CD81: variants seen among roughly 807,000 people sequenced by gnomAD.
CD81 encodes the protein CD81 molecule.
In CD81, 10 loss-of-function variants were observed where a neutral mutation model predicts 30.1. That is an observed-to-expected ratio of 0.33 (90% confidence interval 0.21 to 0.56). CD81 has a LOEUF of 0.56. Ranked by LOEUF, CD81 falls within the 20% of genes least tolerant of loss-of-function variation. The pLI is 0.89. For synonymous variants in CD81, 147 were observed against 126.4 expected (o/e 1.16, Z -1.10); for missense variants, 263 against 308.7 (o/e 0.85, Z 1.11).
At chr11:2,382,184 C>T (rs1016863503) in intron 1 of CD81, among the ~76,000 whole-genome samples, 7 of 152,244 alleles carry the variant, frequency 4.6e-5, no homozygotes, top group African/African-American at 1.4e-4. Flanking sequence ...ATGCCATGGC[C>T]GTGGGATGGC....
chr11:2,386,775 C>T, intron 1 of CD81: 4 of 647,344 alleles, frequency 6.2e-6, no homozygotes, highest in South Asian at 5.0e-5. Flanking sequence ...GGCTGTCCCT[C>T]CCACCCCCTC....
chr11:2,395,628 G>A (rs547856525), intron 5 of CD81, 108 bp downstream of exon 5: 2 of 911,810 alleles, frequency 2.2e-6, no homozygotes, highest in East Asian at 2.6e-5. Context: ...AGCAGGAGGT[G>A]CCCTTGGGAC....
chr11:2,394,480 C>G (rs1304667828), intron 3 of CD81, among the ~76,000 whole-genome samples: 1 of 152,240 alleles, frequency 6.6e-6, no homozygotes, highest in Non-Finnish European at 1.5e-5. Context: ...GGCACACCGC[C>G]CCCTGTGGGA....
At chr11:2,379,147 G>T (rs1221851657) in intron 1 of CD81, 3 of 455,752 alleles carry the variant, frequency 6.6e-6, no homozygotes, top group African/African-American at 6.0e-5. Flanking sequence ...AGGCATGTGG[G>T]AGAGGCACCA....
chr11:2,379,952 T>A (rs938082616), intron 1 of CD81, among the ~76,000 whole-genome samples: 9 of 152,182 alleles, frequency 5.9e-5, no homozygotes, highest in Non-Finnish European at 1.3e-4. Flanking sequence ...TGCCATGGGC[T>A]TGGGCCTCCT....
intron 1 of CD81, among the ~76,000 whole-genome samples, chr11:2,383,380 G>A (rs2133444585): frequency 6.6e-6 from 1 of 152,262 alleles, no homozygotes; most frequent in Non-Finnish European, 1.5e-5. Flanking sequence ...TTCTTGGTGG[G>A]CAGAGAGTGA....
At chr11:2,395,257 G>T in intron 4 of CD81, 159 bp from the exon 5 acceptor site, 1 of 740,018 alleles carries the variant, frequency 1.4e-6, no homozygotes. Flanking sequence ...AGCACTCCCG[G>T]GGCAGCTGAG....
intron 1 of CD81, among the ~76,000 whole-genome samples, chr11:2,387,477 G>T (rs1849817865): frequency 6.6e-6 from 1 of 152,246 alleles, no homozygotes; most frequent in Admixed American, 6.5e-5. Context: ...CTCCCGCCAG[G>T]CTGCATCTGG....
Position 2,395,974 on chromosome 11 carries a change from C to T in CD81, c.561+4C>T, listed in dbSNP as rs917344371. 27 of 1,600,344 alleles carry T rather than the reference C, an allele frequency of 1.7e-5. No individual in the cohort carries two copies. Among genetic ancestry groups the T allele is most frequent in the South Asian group, 3.3e-5 (3 of 90,862 alleles). On this transcript the variant is annotated splice_donor_region_variant and intron_variant, in intron 6 of 7. Coordinates refer to ENST00000263645, the MANE Select transcript of CD81 (RefSeq NM_004356.4). Reference sequence around the variant, plus strand: ...CATCATCAGCAACCTCTTCAAGGTGCGCGAGGCCGGTGGGGCCGCGCCTGA... The same window carrying T: ...CATCATCAGCAACCTCTTCAAGGTGTGCGAGGCCGGTGGGGCCGCGCCTGA...
At chr11:2,389,694 C>T (rs767927274) in intron 1 of CD81, among the ~76,000 whole-genome samples, 5 of 152,046 alleles carry the variant, frequency 3.3e-5, no homozygotes, top group African/African-American at 1.2e-4. Flanking sequence ...CCCAGCCCAT[C>T]TTGGAAACCA....
intron 1 of CD81, among the ~76,000 whole-genome samples, chr11:2,388,385 T>TG (rs1359674869): frequency 2.0e-5 from 3 of 152,162 alleles, no homozygotes; most frequent in African/African-American, 7.2e-5. Context: ...GCCGGGGACT[T>TG]GGGTGCAGGC....
intron 1 of CD81, among the ~76,000 whole-genome samples, chr11:2,387,569 T>C (rs1485776709): frequency 6.6e-6 from 1 of 151,688 alleles, no homozygotes; most frequent in African/African-American, 2.4e-5. Flanking sequence ...CTGCCTCTCC[T>C]GCACTGTCCA....
intron 1 of CD81, among the ~76,000 whole-genome samples, chr11:2,383,399 C>T (rs1361964440): frequency 1.3e-5 from 2 of 152,114 alleles, no homozygotes; most frequent in Non-Finnish European, 2.9e-5. Context: ...GAGGGGTTGG[C>T]CTGCAGGGAC....
At chr11:2,386,527 G>T (rs1048102319) in intron 1 of CD81, 1 of 716,260 alleles carries the variant, frequency 1.4e-6, no homozygotes, top group East Asian at 2.7e-5. Context: ...AACCGGCAGT[G>T]ACCATCACCA....
chr11:2,396,586 G>A (rs374929388), intron 6 of CD81, 42 bp from the exon 7 acceptor site: 50 of 1,531,542 alleles, frequency 3.3e-5, no homozygotes, highest in South Asian at 1.1e-4. Context: ...GCCGGGAGCC[G>A]AGGCCCGGTC....
chr11:2,377,555 A>C lies in CD81; in HGVS notation c.6A>C (p.Gly2=). M[G]VEGCTKCIKY... ...CGCCCGCCGCCCGCGCCGCCATGGGAGTGGAGGGCTGCACCAAGTGCATCA... is the reference window on the plus strand; with the variant it reads ...CGCCCGCCGCCCGCGCCGCCATGGGCGTGGAGGGCTGCACCAAGTGCATCA... The change falls in exon 1 of 8, where the codon GGA becomes GGC. Residue 2 remains glycine (G), a synonymous_variant. Transcript: ENST00000263645. The surrounding 1 kb of genome is among the most constrained non-coding windows in gnomAD (Gnocchi z 7.7). 6.8e-7 allele frequency: 1 copy of C among 1,464,720 alleles called. No individual in the cohort carries two copies. The allele number at this position is 1,464,720 out of a possible 1,614,324, so 90.7% of individuals were successfully genotyped here.
At chr11:2,385,937 CAT>C (rs1237076605) in intron 1 of CD81, 7 of 676,994 alleles carry the variant, frequency 1.0e-5, no homozygotes, top group Non-Finnish European at 1.9e-5. Context: ...GCAGCTGGGT[CAT>C]GTGGTGAATG....
rs372598421 is a variant in CD81, at chr11:2,386,268, G to C, written c.67-4144G>C. 2.6e-4 allele frequency: 175 copies of C among 676,588 alleles called. 1 individual carries two copies. The East Asian group carries it at 3.3e-3, about 13-fold the overall frequency. 41.9% of individuals were successfully genotyped at this position (676,588 alleles called of 1,614,324 possible). A position where few individuals can be genotyped will look rare whatever the true frequency, so the allele number is the denominator to read the frequency against. On this transcript the variant is annotated intron_variant, in intron 1 of 7. Coordinates refer to ENST00000263645, the MANE Select transcript of CD81 (RefSeq NM_004356.4). ...TTGGGTTGCCAGTTTTCTTGCTGTT[G>C]AGTTTGGAAAGCTCTGCATACGTTC...
chr11:2,394,235 T>TGG (rs773723806), intron 3 of CD81, 43 bp downstream of exon 3: 2 of 1,386,928 alleles, frequency 1.4e-6, no homozygotes, highest in Non-Finnish European at 2.0e-6. Context: ...GGGGAGGGGC[T>TGG]GGGGGCTGCG....
Sources: gnomAD v4.1 joint callset for allele counts (sites outside exome capture counted in the v4.1 genomes callset) on GRCh38, gnomAD v4.1.1 for gene constraint, Gnocchi (gnomAD v3.1) non-coding constraint, MANE v1.5 for transcripts, NCBI Gene and HGNC (gene_info 2026-07-23, HGNC 2026-07-21) for gene names.